The following PCDHGA1 variants were observed in gnomAD, a reference collection of about 807,000 sequenced individuals.
PCDHGA1 encodes protocadherin gamma-A1.
PCDHGA1 carries 32 observed loss-of-function variants against 58.0 expected under a neutral mutation model. That is an observed-to-expected ratio of 0.55 (90% CI 0.42 to 0.74). The LOEUF (loss-of-function observed/expected upper bound fraction) is 0.74, where lower values mean the gene tolerates loss of function less well. Ranked by LOEUF, PCDHGA1 falls within the 30% of genes least tolerant of loss-of-function variation. The pLI is 0.00. For missense variants in PCDHGA1, 1,205 were observed against 1,182.3 expected, an observed-to-expected ratio of 1.02 and a Z score of -0.28; for synonymous variants, 498 against 501.1, an observed-to-expected ratio of 0.99 and a Z score of 0.08.
Position 141,330,623 on chromosome 5 carries a change from C to G in PCDHGA1, c.-62C>G. On this transcript the variant is annotated 5_prime_UTR_variant, in exon 1 of 4. Transcript: ENST00000517417. ...CCTGAAAATTGGGTTAATTTCAGCTCAGAAAAGCAGAAACGATACCCTTGG... is the reference window on the plus strand; with the variant it reads ...CCTGAAAATTGGGTTAATTTCAGCTGAGAAAAGCAGAAACGATACCCTTGG... The G allele has an allele frequency of 6.7e-7, 1 of 1,498,204 alleles. No individual in the cohort carries two copies. Among genetic ancestry groups the G allele is most frequent in the Non-Finnish European group, 8.9e-7 (1 of 1,117,984 alleles). The allele number at this position is 1,498,204 out of a possible 1,614,324, so 92.8% of individuals were successfully genotyped here. A position where few individuals can be genotyped will look rare whatever the true frequency, so the allele number is the denominator to read the frequency against.
intron 1 of PCDHGA1, among the ~76,000 whole-genome samples, chr5:141,492,559 C>G (rs533830391): frequency 2.0e-5 from 3 of 152,174 alleles, no homozygotes; most frequent in Non-Finnish European, 4.4e-5. Context: ...GCCTGGGGGG[C>G]GGCCTGAGCG....
At chr5:141,341,580 G>C (rs1392302921) in intron 1 of PCDHGA1, 2 of 1,211,848 alleles carry the variant, frequency 1.7e-6, no homozygotes, top group South Asian at 3.2e-5. Context: ...AAGAAGAGAC[G>C]TGAGAATCTT....
chr5:141,377,926 T>C (rs1194396438), intron 1 of PCDHGA1: 1 of 152,186 alleles, frequency 6.6e-6, no homozygotes, highest in Non-Finnish European at 1.5e-5. Flanking sequence ...AATCCACCTG[T>C]AACTGCTGCT....
At chr5:141,461,242 T>G (rs1246270739) in intron 1 of PCDHGA1, among the ~76,000 whole-genome samples, 1 of 152,170 alleles carries the variant, frequency 6.6e-6, no homozygotes, top group Non-Finnish European at 1.5e-5. Context: ...TGTACTAATT[T>G]ATATTCCCAG....
At chr5:141,383,621 T>A in intron 1 of PCDHGA1, 1 of 1,613,880 alleles carries the variant, frequency 6.2e-7, no homozygotes, top group East Asian at 2.2e-5. Flanking sequence ...CACACGCCTG[T>A]CTTCTCTCTG....
intron 1 of PCDHGA1, among the ~76,000 whole-genome samples, chr5:141,468,946 C>T (rs1437282358): frequency 7.0e-6 from 1 of 141,900 alleles, no homozygotes; most frequent in East Asian, 2.0e-4. Context: ...ATGGGGTAAA[C>T]CTGTGGTTTT....
At chr5:141,488,268 C>T (rs1371050827) in intron 1 of PCDHGA1, among the ~76,000 whole-genome samples, 1 of 152,170 alleles carries the variant, frequency 6.6e-6, no homozygotes, top group East Asian at 1.9e-4. Context: ...GCGGGTTGGT[C>T]ATCACCTTTG....
Position 141,366,209 on chromosome 5 carries a change from C to T in PCDHGA1, c.2421+33104C>T, listed in dbSNP as rs371864119. On this transcript the variant is annotated intron_variant, in intron 1 of 3. Transcript: ENST00000517417. ...GGTTGGGCTGCACACGGGCGAGGTG[C>T]GCACAGCGCGAGCCCTGCTGGACAG... is the stretch of plus-strand genomic sequence containing the variant. The T allele has an allele frequency of 2.5e-6, 4 of 1,613,698 alleles. No individual in the cohort carries two copies. In the African/African-American group the frequency reaches 5.3e-5, roughly 22 times the overall value.
At position 141,476,242 on chromosome 5, in the gene PCDHGA1, G is replaced by A. The variant is rs369923405; in HGVS notation, c.2422-18565G>A. The A allele has an allele frequency of 6.2e-6, 10 of 1,614,100 alleles. No individual in the cohort carries two copies. The highest frequency in any genetic ancestry group is 8.5e-6 in the Non-Finnish European group (10 of 1,180,026). The stretch of plus-strand genomic sequence containing the variant: ...ACTATGAGATCCCGGAGGAAAGAGA[G>A]AAGGGTTTCGCTGTGGGCAACGTGG... On this transcript the variant is annotated intron_variant, in intron 1 of 3. Transcript: ENST00000517417. This position sits in a 1 kb window ranked among gnomAD's most constrained non-coding sequence, Gnocchi z 7.6.
chr5:141,439,226 G>A (rs1337835258), intron 1 of PCDHGA1, among the ~76,000 whole-genome samples: 1 of 151,442 alleles, frequency 6.6e-6, no homozygotes, highest in African/African-American at 2.4e-5. Flanking sequence ...AAAATTCTTA[G>A]AAGCTTCCTA....
chr5:141,423,484 A>G, intron 1 of PCDHGA1: 1 of 1,613,722 alleles, frequency 6.2e-7, no homozygotes, highest in Non-Finnish European at 8.5e-7. Flanking sequence ...TTTCCTGCAA[A>G]CCTATTCCCA....
rs769461165 is a variant in PCDHGA1, at chr5:141,491,293, C to G, written c.2422-3514C>G. 2 of 1,614,048 alleles carry G rather than the reference C, an allele frequency of 1.2e-6. No individual in the cohort carries two copies. Among genetic ancestry groups the G allele is most frequent in the Admixed American group, 3.3e-5 (2 of 60,008 alleles). ...ATCCAGTGACTTCCTCATACACCCT[C>G]CTGAGCGTTCAGACCTTACCCTTTA... On this transcript the variant is annotated intron_variant, in intron 1 of 3. Coordinates refer to ENST00000517417, the MANE Select transcript of PCDHGA1 (RefSeq NM_018912.3). This position sits in a 1 kb window ranked among gnomAD's most constrained non-coding sequence, Gnocchi z 6.9.
chr5:141,385,360 T>C, intron 1 of PCDHGA1: 1 of 1,545,774 alleles, frequency 6.5e-7, no homozygotes, highest in South Asian at 1.3e-5. Context: ...ATGAGGAATT[T>C]ATTTGCATGA....
chr5:141,345,881 C>G (rs1561491071), intron 1 of PCDHGA1: 2 of 1,613,318 alleles, frequency 1.2e-6, no homozygotes, highest in African/African-American at 2.7e-5. Flanking sequence ...AGCCGGGACT[C>G]TTCTCGGTGG....
rs779065098 is a variant in PCDHGA1, at chr5:141,491,758, C to G, written c.2422-3049C>G. The G allele has an allele frequency of 1.9e-6, 3 of 1,578,788 alleles. No individual in the cohort carries two copies. The highest frequency in any genetic ancestry group is 1.7e-4 in the Middle Eastern group (1 of 5,954). ...TGGGGGCGGCACTGGAGAAGCCGCCCGTCCTCATAAGGGATTGAACTTGCA... is the reference window on the plus strand; with the variant it reads ...TGGGGGCGGCACTGGAGAAGCCGCCGGTCCTCATAAGGGATTGAACTTGCA... On this transcript the variant is annotated intron_variant, in intron 1 of 3. Transcript: ENST00000517417. This position sits in a 1 kb window ranked among gnomAD's most constrained non-coding sequence, Gnocchi z 6.9.
intron 1 of PCDHGA1, chr5:141,382,884 G>C: frequency 6.5e-7 from 1 of 1,529,218 alleles, no homozygotes; most frequent in South Asian, 1.3e-5. Flanking sequence ...GCCTAAGCAA[G>C]AGAAGCAGGA....
At chr5:141,393,201 A>C in intron 1 of PCDHGA1, 1 of 1,613,534 alleles carries the variant, frequency 6.2e-7, no homozygotes, top group Admixed American at 1.7e-5. Context: ...TAACGATAAT[A>C]ACCCAAAATT....
rs1243327893 is a variant in PCDHGA1, at chr5:141,491,671, C to G, written c.2422-3136C>G. 1 of 1,613,484 alleles carries G rather than the reference C, an allele frequency of 6.2e-7. No homozygotes were observed. Among genetic ancestry groups the G allele is most frequent in the Admixed American group, 1.7e-5 (1 of 60,034 alleles). On this transcript the variant is annotated intron_variant, in intron 1 of 3. Transcript: ENST00000517417. This position sits in a 1 kb window ranked among gnomAD's most constrained non-coding sequence, Gnocchi z 6.9. ...GCTGGAGCCTGACGCCATCCGGTCC[C>G]GCTCTAATACGCTGCGGGAGCGGAG...
Position 141,386,595 on chromosome 5 carries a change from A to AT in PCDHGA1, c.2421+53502dup, listed in dbSNP as rs373179212. On this transcript the variant is annotated intron_variant, in intron 1 of 3. Coordinates refer to ENST00000517417, the MANE Select transcript of PCDHGA1 (RefSeq NM_018912.3). ...CTCTGTACAATAGTGTGGGGGATAC[A>AT]TTTTTTTTTTTTGACATGGAGTCTC... Among the ~76,000 whole-genome samples, 373 of 146,122 alleles carry AT rather than the reference A, an allele frequency of 2.6e-3. 1 individual carries two copies. The highest frequency in any genetic ancestry group is 0.012 in the East Asian group (62 of 5,036).
Sources: gnomAD v4.1 joint callset for allele counts (sites outside exome capture counted in the v4.1 genomes callset) on GRCh38, gnomAD v4.1.1 for gene constraint, Gnocchi (gnomAD v3.1) non-coding constraint, MANE v1.5 for transcripts, NCBI Gene and HGNC (gene_info 2026-07-23, HGNC 2026-07-21) for gene names.